TIMM44: variants seen among roughly 807,000 people sequenced by gnomAD.
The protein encoded by TIMM44 is translocase of inner mitochondrial membrane 44.
TIMM44 carries 37 observed loss-of-function variants against 63.8 expected under a neutral mutation model. The observed-to-expected ratio is 0.58, with a 90% confidence interval of 0.45 to 0.76. TIMM44 has a LOEUF of 0.76. Among genes scored for constraint, TIMM44 ranks in the 30% least tolerant of loss-of-function variants. The pLI is 0.00. For synonymous variants in TIMM44, 239 were observed against 245.1 expected (o/e 0.98, Z 0.23); for missense variants, 573 against 603.8 (o/e 0.95, Z 0.54).
At position 7,933,551 on chromosome 19, in the gene TIMM44, G is replaced by A; in HGVS notation, c.703C>T (p.Leu235=). ...TGGTACCACTTGGAGTCCTTGTGCA[G>A]CACGACCCCCAGGGCCTCCCTGGGG... ...EPNEEALGVV[L]HKDSKWYQQW... Residue 235 remains leucine (L), a synonymous_variant, in exon 7 of 13, where the codon CTG becomes TTG. Coordinates refer to ENST00000270538, the MANE Select transcript of TIMM44 (RefSeq NM_006351.4). The surrounding 1 kb of genome is among the most constrained non-coding windows in gnomAD (Gnocchi z 4.3). 6.2e-7 allele frequency: 1 copy of A among 1,614,064 alleles called. No homozygotes were observed.
At position 7,943,549 on chromosome 19, in the gene TIMM44, T is replaced by C. The variant is rs1000583562; in HGVS notation, c.45+58A>G. On this transcript the variant is annotated intron_variant, in intron 1 of 12. Transcript: ENST00000270538. This position sits in a 1 kb window ranked among gnomAD's most constrained non-coding sequence, Gnocchi z 4.3. ...CAAGGGTCTGAGAAGAAAGCCTTGG[T>C]GGCCGAAGGCCCAGAAGACCCCTAA... The C allele has an allele frequency of 3.9e-6, 6 of 1,543,878 alleles. No individual in the cohort carries two copies. The highest frequency in any genetic ancestry group is 3.5e-6 in the Non-Finnish European group (4 of 1,147,724).
chr19:7,940,031 C>A lies in TIMM44; in HGVS notation c.141+1071G>T, dbSNP rs143630233. Among the ~76,000 whole-genome samples the A allele has an allele frequency of 3.1e-4, 47 of 152,276 alleles. 3 individuals are homozygous for A. In the South Asian group the frequency reaches 9.3e-3, roughly 30 times the overall value. The stretch of plus-strand genomic sequence containing the variant: ...TGGGTATACCAGCTCCAGGTGGGAT[C>A]CCCCTCCCTGGCTCCTGTCAAGCTA... On this transcript the variant is annotated intron_variant, in intron 2 of 12. Coordinates refer to ENST00000270538, the MANE Select transcript of TIMM44 (RefSeq NM_006351.4).
intron 1 of TIMM44, 27 bp from the exon 2 acceptor site, chr19:7,941,224 T>C (rs766572127): frequency 1.3e-6 from 2 of 1,565,026 alleles, no homozygotes; most frequent in South Asian, 1.1e-5. Flanking sequence ...AAGAGAAAGA[T>C]CCATTCTAAC....
Position 7,928,171 on chromosome 19 carries a change from A to T in TIMM44, c.1039-5T>A, listed in dbSNP as rs1183755063. ...GTGGGCCAGCTGGCTGTAAGTCTGC[A>T]ATGAGAGGCCGACACGCCTGCGTGA... On this transcript the variant is annotated splice_region_variant and splice_polypyrimidine_tract_variant and intron_variant, in intron 10 of 12. Coordinates refer to ENST00000270538, the MANE Select transcript of TIMM44 (RefSeq NM_006351.4). The T allele has an allele frequency of 4.3e-6, 7 of 1,612,840 alleles. No individual in the cohort carries two copies. Among genetic ancestry groups the T allele is most frequent in the Non-Finnish European group, 5.1e-6 (6 of 1,179,478 alleles).
At chr19:7,931,403 G>A (rs907614456) in intron 9 of TIMM44, 3 of 586,068 alleles carry the variant, frequency 5.1e-6, no homozygotes, top group Admixed American at 3.0e-5. Flanking sequence ...AGGCACAGGC[G>A]GAGGGCGGCC....
chr19:7,932,713 T>G lies in TIMM44; in HGVS notation c.901A>C (p.Thr301Pro). Reference protein sequence around the residue: ...FSKTEMSEVLTEILRVDPAFD... With the variant: ...FSKTEMSEVLPEILRVDPAFD... ...GCCGGGTCCACCCGGAGGATCTCCG[T>G]GAGCACCTCCGACATCTCTGTCTTG... The change falls in exon 9 of 13, where the codon ACG becomes CCG. Residue 301 changes from threonine (T) to proline (P), a missense_variant. Coordinates refer to ENST00000270538, the MANE Select transcript of TIMM44 (RefSeq NM_006351.4). The G allele has an allele frequency of 6.2e-7, 1 of 1,614,104 alleles. No individual in the cohort carries two copies. Among genetic ancestry groups the G allele is most frequent in the Non-Finnish European group, 8.5e-7 (1 of 1,180,002 alleles).
chr19:7,933,893 G>T lies in TIMM44; in HGVS notation c.654C>A (p.Phe218Leu), dbSNP rs750127378. The T allele has an allele frequency of 2.5e-6, 4 of 1,614,160 alleles. No individual in the cohort carries two copies. The South Asian group carries it at 4.4e-5, about 18-fold the overall frequency. Reference protein sequence around the residue: ...RKRTEFAGDKFKEEKVFEPNE... With the variant: ...RKRTEFAGDKLKEEKVFEPNE... The stretch of plus-strand genomic sequence containing the variant: ...TTGGCTCAAACACTTTCTCCTCCTT[G>T]AACTTATCTCCCGCAAACTCCGTTC... Residue 218 changes from phenylalanine (F) to leucine (L), a missense_variant, in exon 6 of 13, where the codon TTC becomes TTA. Coordinates refer to ENST00000270538, the MANE Select transcript of TIMM44 (RefSeq NM_006351.4). This position sits in a 1 kb window ranked among gnomAD's most constrained non-coding sequence, Gnocchi z 4.3.
chr19:7,932,492 T>C, intron 9 of TIMM44, 135 bp downstream of exon 9: 3 of 1,281,034 alleles, frequency 2.3e-6, no homozygotes, highest in Non-Finnish European at 3.3e-6. Flanking sequence ...CAGGAGCCCG[T>C]GTGCAACCAG....
At chr19:7,928,221 C>T in intron 10 of TIMM44, 55 bp from the exon 11 acceptor site, 1 of 1,463,660 alleles carries the variant, frequency 6.8e-7, no homozygotes, top group East Asian at 2.4e-5. Flanking sequence ...GGCACCACGC[C>T]ACACAGAGCT....
chr19:7,932,612 G>A lies in TIMM44; in HGVS notation c.987+15C>T, dbSNP rs1426336156. 6.2e-7 allele frequency: 1 copy of A among 1,612,620 alleles called. No individual in the cohort carries two copies. The highest frequency in any genetic ancestry group is 8.5e-7 in the Non-Finnish European group (1 of 1,179,964). On this transcript the variant is annotated intron_variant, in intron 9 of 12. Transcript: ENST00000270538. ...ACCTGCCGCCTGGGAGGGGTCCTGGGGGTGTGGCACCCACCTCCAGGACAT... is the reference window on the plus strand; with the variant it reads ...ACCTGCCGCCTGGGAGGGGTCCTGGAGGTGTGGCACCCACCTCCAGGACAT...
intron 2 of TIMM44, among the ~76,000 whole-genome samples, chr19:7,940,230 C>A (rs1479661828): frequency 3.3e-5 from 5 of 149,434 alleles, no homozygotes; most frequent in Admixed American, 1.3e-4. Flanking sequence ...GAGACCCTAT[C>A]TTAAAAAAAA....
intron 10 of TIMM44, 151 bp downstream of exon 10, chr19:7,930,987 C>T (rs369096964): frequency 7.3e-6 from 5 of 680,798 alleles, no homozygotes; most frequent in African/African-American, 3.6e-5. Flanking sequence ...GGATGTCAGG[C>T]TCTCGGAGGG....
chr19:7,932,882 G>A lies in TIMM44; in HGVS notation c.820C>T (p.Arg274Trp), dbSNP rs747485917. The A allele has an allele frequency of 4.3e-6, 7 of 1,614,082 alleles. No homozygotes were observed. Among genetic ancestry groups the A allele is most frequent in the South Asian group, 1.1e-5 (1 of 91,092 alleles). The change falls in exon 8 of 13, where the codon CGG becomes TGG. Residue 274 changes from arginine to tryptophan, a missense_variant. Transcript: ENST00000270538. ...KYDESDNAFI[R>W]ASRALTDKVT... is the part of the protein sequence containing the mutation. ...TTGTCCGTAAGGGCCCGGGATGCCC[G>A]GATGAACGCGTTGTCGCTTTCGTCA...
chr19:7,934,319 C>A lies in TIMM44; in HGVS notation c.394-81G>T, dbSNP rs1312784029. 16 of 1,570,004 alleles carry A rather than the reference C, an allele frequency of 1.0e-5. No individual in the cohort carries two copies. The highest frequency in any genetic ancestry group is 1.1e-5 in the Non-Finnish European group (13 of 1,153,364). On this transcript the variant is annotated intron_variant, in intron 4 of 12. Transcript: ENST00000270538. The surrounding 1 kb of genome is among the most constrained non-coding windows in gnomAD (Gnocchi z 5.3). ...CGGGGCAGGAGGAATGAATTCCTGC[C>A]GGAGAGAAGGGCGGATCTGGTTCCC...
intron 3 of TIMM44, among the ~76,000 whole-genome samples, chr19:7,935,739 G>A (rs1319823184): frequency 4.6e-5 from 7 of 152,174 alleles, no homozygotes; most frequent in Non-Finnish European, 8.8e-5. Flanking sequence ...GTGGTAGGAG[G>A]TGGCCTTGCC....
At position 7,933,023 on chromosome 19, in the gene TIMM44, C is replaced by T. The variant is rs917486616; in HGVS notation, c.770-91G>A. On this transcript the variant is annotated intron_variant, in intron 7 of 12. Coordinates refer to ENST00000270538, the MANE Select transcript of TIMM44 (RefSeq NM_006351.4). The surrounding 1 kb of genome is among the most constrained non-coding windows in gnomAD (Gnocchi z 4.3). ...TTCTAGAGGCTCCCTGTGACCCCTG[C>T]GGGATCCACCCTGACACGGGTGGGG... 7.7e-6 allele frequency: 8 copies of T among 1,037,254 alleles called. No individual in the cohort carries two copies. The highest frequency in any genetic ancestry group is 3.2e-5 in the African/African-American group (2 of 63,358). The allele number at this position is 1,037,254 out of a possible 1,614,324, so 64.3% of individuals were successfully genotyped here.
rs549710529 is a variant in TIMM44, at chr19:7,934,960, C to T, written c.393+105G>A. The T allele has an allele frequency of 2.8e-6, 3 of 1,065,306 alleles. No homozygotes were observed. Among genetic ancestry groups the T allele is most frequent in the East Asian group, 2.6e-5 (1 of 38,740 alleles). The allele number at this position is 1,065,306 out of a possible 1,614,324, so 66.0% of individuals were successfully genotyped here. ...GTGGCAGCACGCCCCATGCCACCCA[C>T]TGCTGCCAAGCCACCCCCACCCAGG... On this transcript the variant is annotated intron_variant, in intron 4 of 12. Coordinates refer to ENST00000270538, the MANE Select transcript of TIMM44 (RefSeq NM_006351.4). This position sits in a 1 kb window ranked among gnomAD's most constrained non-coding sequence, Gnocchi z 5.3.
At chr19:7,932,357 A>G (rs1984009472) in intron 9 of TIMM44, 2 of 523,930 alleles carry the variant, frequency 3.8e-6, no homozygotes, top group East Asian at 6.7e-5. Flanking sequence ...AGCTGCTCCC[A>G]GCAACCTCAA....
intron 11 of TIMM44, 119 bp from the exon 12 acceptor site, chr19:7,927,886 G>A (rs35001394): frequency 0.065 from 76,622 of 1,179,704 alleles, 2,661 homozygotes; most frequent in Middle Eastern, 0.074. Flanking sequence ...GCCCAGCACC[G>A]GTCCCTCCCC....
Sources: gnomAD v4.1 joint callset for allele counts (sites outside exome capture counted in the v4.1 genomes callset) on GRCh38, gnomAD v4.1.1 for gene constraint, Gnocchi (gnomAD v3.1) non-coding constraint, MANE v1.5 for transcripts, NCBI Gene and HGNC (gene_info 2026-07-23, HGNC 2026-07-21) for gene names.